ZNF609: variants seen among roughly 807,000 people sequenced by gnomAD.
ZNF609 encodes the protein zinc finger protein 609.
ZNF609 carries 11 observed loss-of-function variants against 109.5 expected under a neutral mutation model. The observed-to-expected ratio is 0.10, with a 90% CI of 0.06 to 0.17. The LOEUF is 0.17. Ranked by LOEUF, ZNF609 falls within the 10% of genes least tolerant of loss-of-function variation. The pLI, the probability that ZNF609 is intolerant of heterozygous loss-of-function variation, is 1.00. For synonymous variants in ZNF609, 646 were observed against 662.0 expected (o/e 0.98, Z 0.37); for missense variants, 1,559 against 1,772.4 (o/e 0.88, Z 2.16).
intron 2 of ZNF609, among the ~76,000 whole-genome samples, chr15:64,534,760 C>T (rs1243598078): frequency 6.6e-6 from 1 of 152,030 alleles, no homozygotes; most frequent in Non-Finnish European, 1.5e-5. Context: ...AGGCCCGGTG[C>T]AGTGGCTCAC....
intron 3 of ZNF609, among the ~76,000 whole-genome samples, chr15:64,666,651 A>C (rs1271748647): frequency 1.3e-5 from 2 of 151,640 alleles, no homozygotes; most frequent in African/African-American, 4.8e-5. Context: ...AGCTGGGACT[A>C]CAGGCGCCCA....
chr15:64,678,928 A>T (rs982482909), intron 6 of ZNF609, among the ~76,000 whole-genome samples: 1 of 152,234 alleles, frequency 6.6e-6, no homozygotes, highest in African/African-American at 2.4e-5. Flanking sequence ...GAACAAATAA[A>T]ATGCAAACCA....
chr15:64,600,467 GAA>G lies in ZNF609; in HGVS notation c.748-22350_748-22349del, dbSNP rs561428455. On this transcript the variant is annotated intron_variant, in intron 2 of 9. Coordinates refer to ENST00000326648, the MANE Select transcript of ZNF609 (RefSeq NM_015042.2). ...TGTGTCTCAAAAAAAAAAAAAAAAA[GAA>G]AAAAAAAAACAGAAAAATTAGCCAG... Among the ~76,000 whole-genome samples, 4 of 122,064 alleles carry G rather than the reference GAA, an allele frequency of 3.3e-5. No individual in the cohort carries two copies. In the South Asian group the frequency reaches 7.6e-4, roughly 23 times the overall value. The allele number at this position is 122,064 out of a possible 152,430, so 80.1% of individuals were successfully genotyped here.
At chr15:64,633,138 C>CGTTTTGTTTT (rs72458134) in intron 3 of ZNF609, among the ~76,000 whole-genome samples, 5 of 148,670 alleles carry the variant, frequency 3.4e-5, no homozygotes, top group African/African-American at 1.0e-4. Flanking sequence ...AGAAGTGACA[C>CGTTTTGTTTT]GTTTTGTTTT....
chr15:64,620,750 T>C (rs1895863740), intron 2 of ZNF609, among the ~76,000 whole-genome samples: 1 of 152,172 alleles, frequency 6.6e-6, no homozygotes, highest in Non-Finnish European at 1.5e-5. Context: ...CTCACAATGA[T>C]GATCTACAAA....
intron 3 of ZNF609, among the ~76,000 whole-genome samples, chr15:64,650,941 A>G (rs981353170): frequency 5.3e-5 from 8 of 152,178 alleles, no homozygotes; most frequent in African/African-American, 1.9e-4. Context: ...AAATTATAAA[A>G]ATGTTTGTTA....
In ZNF609 at chr15:64,680,300, G is replaced by C; in HGVS notation, c.3885G>C (p.Glu1295Asp). 1 of 1,614,182 alleles carries C rather than the reference G, an allele frequency of 6.2e-7. No individual in the cohort carries two copies. The highest frequency in any genetic ancestry group is 8.5e-7 in the Non-Finnish European group (1 of 1,180,032). ...GTGTGACTTGTAAATCCAGCTCAGAGTCCAAAGCCCTGGACATCTTGCAGC... is the reference window on the plus strand; with the variant it reads ...GTGTGACTTGTAAATCCAGCTCAGACTCCAAAGCCCTGGACATCTTGCAGC... ...SPSVTCKSSS[E>D]SKALDILQQH... is the part of the protein sequence containing the mutation. The change falls in exon 7 of 10, where the codon GAG becomes GAC. Residue 1295 changes from glutamate to aspartate, a missense_variant. By Grantham distance (45) the Glu-to-Asp change is conservative. Around this residue, in one of 4 missense-constraint regions of ZNF609, gnomAD observed 1,204 missense variants for 1,314.1 expected, o/e 0.92. Transcript: ENST00000326648.
chr15:64,486,437 T>C (rs1231255803), intron 1 of ZNF609, among the ~76,000 whole-genome samples: 1 of 149,388 alleles, frequency 6.7e-6, no homozygotes, highest in Non-Finnish European at 1.5e-5. Flanking sequence ...GGTAGGAGAA[T>C]CACTTGAACC....
chr15:64,679,421 G>A (rs984023359), intron 6 of ZNF609, among the ~76,000 whole-genome samples: 17 of 152,110 alleles, frequency 1.1e-4, no homozygotes, highest in South Asian at 2.1e-4. Context: ...AACTCTACTC[G>A]TTTTGTTGCC....
intron 2 of ZNF609, among the ~76,000 whole-genome samples, chr15:64,599,643 A>G (rs1250471457): frequency 1.3e-5 from 2 of 151,598 alleles, no homozygotes; most frequent in Non-Finnish European, 2.9e-5. Flanking sequence ...CAATCTCTCT[A>G]GTTTACTCCC....
chr15:64,574,564 A>G (rs1025643085), intron 2 of ZNF609, among the ~76,000 whole-genome samples: 4 of 152,174 alleles, frequency 2.6e-5, no homozygotes, highest in Non-Finnish European at 4.4e-5. Context: ...AAGCAAGACA[A>G]AATCTGGACT....
intron 2 of ZNF609, among the ~76,000 whole-genome samples, chr15:64,591,686 C>G (rs1224316008): frequency 2.0e-5 from 3 of 151,694 alleles, no homozygotes; most frequent in Admixed American, 1.3e-4. Context: ...TGAGAACAGC[C>G]TAGGCAACAT....
At position 64,495,481 on chromosome 15, in the gene ZNF609, C is replaced by T. The variant is rs529656782; in HGVS notation, c.-127-3812C>T. Among the ~76,000 whole-genome samples the T allele has an allele frequency of 8.1e-4, 124 of 152,244 alleles. 1 individual carries two copies. The highest frequency in any genetic ancestry group is 2.8e-3 in the African/African-American group (117 of 41,540). Reference sequence around the variant, plus strand: ...CAATCTTGGCTCACTGCAACCTCTGCCTCCCAGGTTCAAGCAATTCTCCTG... The same window carrying T: ...CAATCTTGGCTCACTGCAACCTCTGTCTCCCAGGTTCAAGCAATTCTCCTG... On this transcript the variant is annotated intron_variant, in intron 1 of 9. Coordinates refer to ENST00000326648, the MANE Select transcript of ZNF609 (RefSeq NM_015042.2).
intron 2 of ZNF609, among the ~76,000 whole-genome samples, chr15:64,503,645 C>G (rs1264670835): frequency 1.3e-5 from 2 of 152,296 alleles, no homozygotes; most frequent in South Asian, 2.1e-4. Context: ...CAAGTAGGCT[C>G]TAGTAGTTAA....
At chr15:64,649,333 C>T (rs1437932283) in intron 3 of ZNF609, among the ~76,000 whole-genome samples, 2 of 152,144 alleles carry the variant, frequency 1.3e-5, no homozygotes, top group Non-Finnish European at 2.9e-5. Flanking sequence ...CCCCCCAACA[C>T]ACACAAATCA....
chr15:64,626,515 C>T (rs1471149611), intron 3 of ZNF609, among the ~76,000 whole-genome samples: 1 of 152,112 alleles, frequency 6.6e-6, no homozygotes, highest in Non-Finnish European at 1.5e-5. Flanking sequence ...CAGCAAACTA[C>T]ACTGTCTTCA....
At chr15:64,496,956 C>T (rs769299596) in intron 1 of ZNF609, among the ~76,000 whole-genome samples, 29 of 152,278 alleles carry the variant, frequency 1.9e-4, no homozygotes, top group Admixed American at 1.8e-3. Flanking sequence ...GCGGGGGCTA[C>T]AAGCATTACC....
intron 1 of ZNF609, among the ~76,000 whole-genome samples, chr15:64,484,930 C>T (rs149531585): frequency 0.02 from 3,028 of 152,198 alleles, 105 homozygotes; most frequent in African/African-American, 0.069. Context: ...GCCGAGATTG[C>T]GCCACTGCAC....
chr15:64,680,827 T>C lies in ZNF609; in HGVS notation c.4127T>C (p.Leu1376Ser), dbSNP rs1896874869. 6.2e-7 allele frequency: 1 copy of C among 1,612,720 alleles called. No homozygotes were observed. Among genetic ancestry groups the C allele is most frequent in the Admixed American group, 1.7e-5 (1 of 60,010 alleles). Reference protein sequence around the residue: ...HHHHHHLGYSLLPAQYNLPYA... With the variant: ...HHHHHHLGYSSLPAQYNLPYA... Reference sequence around the variant, plus strand: ...CACCACCACCACTTGGGGTACTCATTGCTCCCAGCACAGTACAACTTACCC... The same window carrying C: ...CACCACCACCACTTGGGGTACTCATCGCTCCCAGCACAGTACAACTTACCC... The change falls in exon 8 of 10, where the codon TTG (leucine) becomes TCG (serine). Residue 1376 changes from leucine to serine, a missense_variant. Transcript: ENST00000326648.
Sources: gnomAD v4.1 joint callset for allele counts (sites outside exome capture counted in the v4.1 genomes callset) on GRCh38, gnomAD v4.1.1 for gene constraint, gnomAD v4.1.1 regional missense constraint, MANE v1.5 for transcripts, NCBI Gene and HGNC (gene_info 2026-07-23, HGNC 2026-07-21) for gene names.